P2RY14: variants seen among roughly 807,000 people sequenced by gnomAD.
P2RY14 encodes the protein purinergic receptor P2Y14.
Under a neutral mutation model 0.9 loss-of-function variants are expected in P2RY14, and 2 were observed. The ratio of observed to expected loss-of-function variants is 2.16; its 90% CI spans 0.88 to 6.79. P2RY14 has a LOEUF of 6.79. Among genes scored for constraint, P2RY14 ranks in the 30% most tolerant of loss-of-function variants. The pLI, the probability that P2RY14 is intolerant of heterozygous loss-of-function variation, is 0.05. For missense variants in P2RY14, 378 were observed against 400.1 expected, an observed-to-expected ratio of 0.94 and a Z score of 0.47; for synonymous variants, 158 against 147.2, an observed-to-expected ratio of 1.07 and a Z score of -0.53.
At chr3:151,239,212 G>T (rs1733576209) in intron 1 of P2RY14, among the ~76,000 whole-genome samples, 1 of 152,068 alleles carries the variant, frequency 6.6e-6, no homozygotes, top group Non-Finnish European at 1.5e-5. Context: ...TATAAAATTG[G>T]GCATAAGTAA....
At chr3:151,253,141 G>A (rs1559942196) in intron 1 of P2RY14, among the ~76,000 whole-genome samples, 1 of 152,120 alleles carries the variant, frequency 6.6e-6, no homozygotes. Context: ...AAGGACTTCT[G>A]GAGATCTGGG....
intron 1 of P2RY14, among the ~76,000 whole-genome samples, chr3:151,229,075 T>G (rs546173626): frequency 1.3e-5 from 2 of 152,162 alleles, no homozygotes; most frequent in African/African-American, 4.8e-5. Context: ...TAGCTGAATA[T>G]CAACCACTTG....
chr3:151,266,084 C>A (rs1251824695), intron 1 of P2RY14, among the ~76,000 whole-genome samples: 1 of 152,172 alleles, frequency 6.6e-6, no homozygotes. Flanking sequence ...GGCTTTGCTG[C>A]CATCTTTCCC....
At chr3:151,230,628 G>A (rs1218493574) in intron 1 of P2RY14, among the ~76,000 whole-genome samples, 3 of 145,678 alleles carry the variant, frequency 2.1e-5, no homozygotes, top group African/African-American at 5.1e-5. Flanking sequence ...TGAACTCTAT[G>A]TGTTATTGCT....
At chr3:151,248,224 C>A (rs1346387168) in intron 1 of P2RY14, among the ~76,000 whole-genome samples, 1 of 151,916 alleles carries the variant, frequency 6.6e-6, no homozygotes, top group Admixed American at 6.6e-5. Context: ...ACCTAAGACA[C>A]TAATAAAAAA....
intron 1 of P2RY14, among the ~76,000 whole-genome samples, chr3:151,223,478 G>A (rs1729832676): frequency 1.3e-5 from 2 of 152,012 alleles, no homozygotes; most frequent in Non-Finnish European, 2.9e-5. Flanking sequence ...AAGAAAATAT[G>A]GTACATATAC....
At chr3:151,240,827 G>A (rs1056439413) in intron 1 of P2RY14, among the ~76,000 whole-genome samples, 2 of 152,192 alleles carry the variant, frequency 1.3e-5, no homozygotes, top group African/African-American at 4.8e-5. Context: ...TCAGAGACAA[G>A]GAGTGATAGG....
intron 2 of P2RY14, among the ~76,000 whole-genome samples, chr3:151,217,460 A>T (rs1478322707): frequency 1.3e-5 from 2 of 152,192 alleles, no homozygotes; most frequent in Non-Finnish European, 2.9e-5. Context: ...GTTGGATGGA[A>T]GGGACTGACT....
intron 1 of P2RY14, among the ~76,000 whole-genome samples, chr3:151,235,195 G>A (rs1732483276): frequency 6.6e-6 from 1 of 152,128 alleles, no homozygotes; most frequent in African/African-American, 2.4e-5. Flanking sequence ...GAGCTTTTTG[G>A]TCATCTAATG....
At chr3:151,227,529 G>A (rs1730778327) in intron 1 of P2RY14, among the ~76,000 whole-genome samples, 1 of 152,220 alleles carries the variant, frequency 6.6e-6, no homozygotes, top group Admixed American at 6.5e-5. Context: ...GTGGCAGACT[G>A]CAAGTCTAGC....
chr3:151,247,472 T>A (rs1316567005), intron 1 of P2RY14, among the ~76,000 whole-genome samples: 1 of 151,494 alleles, frequency 6.6e-6, no homozygotes, highest in Non-Finnish European at 1.5e-5. Flanking sequence ...GGGACATGGA[T>A]GAAATTGGAA....
At chr3:151,275,383 G>C (rs1178366287) in intron 1 of P2RY14, among the ~76,000 whole-genome samples, 1 of 152,054 alleles carries the variant, frequency 6.6e-6, no homozygotes, top group Non-Finnish European at 1.5e-5. Context: ...TGAATGATGA[G>C]GGGTCAGAAC....
chr3:151,227,622 G>C (rs2149304431), intron 1 of P2RY14, among the ~76,000 whole-genome samples: 1 of 152,300 alleles, frequency 6.6e-6, no homozygotes, highest in South Asian at 2.1e-4. Context: ...TGGAGGGTGA[G>C]GTGTGGCATA....
chr3:151,224,084 C>T (rs917740604), intron 1 of P2RY14, among the ~76,000 whole-genome samples: 1 of 152,132 alleles, frequency 6.6e-6, no homozygotes, highest in Non-Finnish European at 1.5e-5. Context: ...AGTGTCTGCA[C>T]TTCTGTTTTT....
At chr3:151,253,400 T>A (rs1210280562) in intron 1 of P2RY14, among the ~76,000 whole-genome samples, 1 of 152,216 alleles carries the variant, frequency 6.6e-6, no homozygotes, top group Admixed American at 6.5e-5. Flanking sequence ...TAATATGGCT[T>A]AGATCATGTT....
rs368433695 is a variant in P2RY14, at chr3:151,230,570, CTT to C, written c.-132-10930_-132-10929del. On this transcript the variant is annotated intron_variant, in intron 1 of 2. Transcript: ENST00000309170. The stretch of plus-strand genomic sequence containing the variant: ...AGGACTAGTTTTGTTTTACTCCACG[CTT>C]TTTTTTTTTTTTTGAATGCACTTCC... 4.9e-3 allele frequency among the ~76,000 whole-genome samples: 677 copies of C among 139,366 alleles called. 40 individuals are homozygous for C. The South Asian group carries it at 0.14, about 30-fold the overall frequency. The allele number at this position is 139,366 out of a possible 152,430, so 91.4% of individuals were successfully genotyped here. A position where few individuals can be genotyped will look rare whatever the true frequency, so the allele number is the denominator to read the frequency against.
At chr3:151,241,841 G>GA (rs1365674136) in intron 1 of P2RY14, 1 of 154,576 alleles carries the variant, frequency 6.5e-6, no homozygotes, top group East Asian at 1.9e-4. Flanking sequence ...CGACGCAGAA[G>GA]ACGGTGATTT....
At chr3:151,256,568 G>C (rs2149476706) in intron 1 of P2RY14, among the ~76,000 whole-genome samples, 1 of 152,052 alleles carries the variant, frequency 6.6e-6, no homozygotes, top group South Asian at 2.1e-4. Flanking sequence ...TCCTAATGTA[G>C]GCAAAACATG....
intron 1 of P2RY14, among the ~76,000 whole-genome samples, chr3:151,220,591 T>G (rs1270342575): frequency 6.6e-6 from 1 of 152,164 alleles, no homozygotes; most frequent in Admixed American, 6.5e-5. Context: ...GTGCTGTTCT[T>G]GTGATAGTGA....
Sources: gnomAD v4.1 joint callset for allele counts (sites outside exome capture counted in the v4.1 genomes callset) on GRCh38, gnomAD v4.1.1 for gene constraint, MANE v1.5 for transcripts, NCBI Gene and HGNC (gene_info 2026-07-23, HGNC 2026-07-21) for gene names.